Variants in FRMD4A observed in about 807,000 individuals in gnomAD.
FRMD4A encodes the protein FERM domain containing 4A.
Under a neutral mutation model 129.1 loss-of-function variants are expected in FRMD4A, and 29 were observed. The ratio of observed to expected loss-of-function variants is 0.22; its 90% CI spans 0.17 to 0.31. The LOEUF is 0.31. FRMD4A is among the 10% of genes least tolerant of loss of function. The pLI is 1.00. For synonymous variants in FRMD4A, 634 were observed against 571.6 expected (o/e 1.11, Z -1.56); for missense variants, 1,272 against 1,375.8 (o/e 0.92, Z 1.19).
intron 2 of FRMD4A, among the ~76,000 whole-genome samples, chr10:14,060,521 C>A (rs1260635965): frequency 2.0e-5 from 3 of 152,166 alleles, no homozygotes; most frequent in African/African-American, 7.2e-5. Context: ...TGCTTCGAAG[C>A]CTGCCCTCTT....
chr10:13,829,242 C>T lies in FRMD4A; in HGVS notation c.112-18334G>A, dbSNP rs150668321. On this transcript the variant is annotated intron_variant, in intron 3 of 24. Transcript: ENST00000357447. ...ATAAACAAAACGAAAAACATTCTTC[C>T]GGCAGGGCATGGTGGCTCACACCTC... Among the ~76,000 whole-genome samples the T allele has an allele frequency of 4.4e-3, 673 of 152,196 alleles. 5 individuals are homozygous for T. The highest frequency in any genetic ancestry group is 0.015 in the African/African-American group (636 of 41,530).
chr10:14,091,926 T>C (rs1836684550), intron 2 of FRMD4A, among the ~76,000 whole-genome samples: 1 of 152,248 alleles, frequency 6.6e-6, no homozygotes, highest in Admixed American at 6.5e-5. Context: ...ATGAACATAT[T>C]ATTACAAGCA....
chr10:14,067,585 G>A (rs1042212784), intron 2 of FRMD4A, among the ~76,000 whole-genome samples: 6 of 151,958 alleles, frequency 3.9e-5, no homozygotes, highest in South Asian at 2.1e-4. Context: ...TTGGGAGGCC[G>A]AGGCGGGCGG....
At position 14,294,742 on chromosome 10, in the gene FRMD4A, A is replaced by G. The variant is rs72780812; in HGVS notation, c.45+35316T>C. On this transcript the variant is annotated intron_variant, in intron 2 of 24. Coordinates refer to ENST00000357447, the MANE Select transcript of FRMD4A (RefSeq NM_018027.5). Reference sequence around the variant, plus strand: ...CTAAATCCGCTCAGCAAGATTCGCTACCACGATCTTCTAAAAAACACGAGC... The same window carrying G: ...CTAAATCCGCTCAGCAAGATTCGCTGCCACGATCTTCTAAAAAACACGAGC... 6.0e-3 allele frequency among the ~76,000 whole-genome samples: 908 copies of G among 152,352 alleles called. 23 individuals are homozygous for G. In the East Asian group the frequency reaches 0.064, roughly 11 times the overall value.
intron 2 of FRMD4A, among the ~76,000 whole-genome samples, chr10:13,975,148 T>A (rs998579499): frequency 2.6e-5 from 4 of 151,988 alleles, no homozygotes; most frequent in Non-Finnish European, 4.4e-5. Flanking sequence ...TGTGTGTGTG[T>A]CTACTGTGTG....
rs762945270 is a variant in FRMD4A, at chr10:14,324,454, G to A, written c.45+5604C>T. Among the ~76,000 whole-genome samples the A allele has an allele frequency of 4.6e-5, 7 of 151,960 alleles. 1 individual carries two copies. Among genetic ancestry groups the A allele is most frequent in the Admixed American group, 3.9e-4 (6 of 15,266 alleles). Reference sequence around the variant, plus strand: ...ATAGATGATACTAAATATTAGTTTCGCCCTTAGACCCAAATATCTAGGACC... The same window carrying A: ...ATAGATGATACTAAATATTAGTTTCACCCTTAGACCCAAATATCTAGGACC... On this transcript the variant is annotated intron_variant, in intron 2 of 24. Transcript: ENST00000357447.
At chr10:13,768,404 T>G (rs1035079648) in intron 6 of FRMD4A, among the ~76,000 whole-genome samples, 11 of 152,238 alleles carry the variant, frequency 7.2e-5, no homozygotes, top group African/African-American at 2.6e-4. Context: ...AGAATCTTAA[T>G]GACAAGCAGC....
intron 2 of FRMD4A, among the ~76,000 whole-genome samples, chr10:13,908,993 A>G (rs2094911946): frequency 6.6e-6 from 1 of 152,240 alleles, no homozygotes; most frequent in South Asian, 2.1e-4. Context: ...ATCGCTGTAC[A>G]GCCTAGTTAC....
chr10:13,674,759 G>C (rs2083828632), intron 16 of FRMD4A, 152 bp downstream of exon 16: 1 of 820,398 alleles, frequency 1.2e-6, no homozygotes, highest in Non-Finnish European at 2.0e-6. Context: ...TCGCCGCCCA[G>C]ATAGGCCCTC....
chr10:13,757,685 G>A (rs1403303812), intron 8 of FRMD4A, among the ~76,000 whole-genome samples: 1 of 152,152 alleles, frequency 6.6e-6, no homozygotes, highest in East Asian at 1.9e-4. Context: ...GAGTAGCTAC[G>A]GTTCACAGTT....
intron 8 of FRMD4A, among the ~76,000 whole-genome samples, chr10:13,751,731 C>G (rs955428700): frequency 4.6e-5 from 7 of 152,284 alleles, no homozygotes; most frequent in South Asian, 2.1e-4. Context: ...CAAAAAAGAG[C>G]TGGATGTGGT....
At chr10:14,138,620 C>T (rs556614917) in intron 2 of FRMD4A, among the ~76,000 whole-genome samples, 10 of 151,930 alleles carry the variant, frequency 6.6e-5, no homozygotes, top group Admixed American at 4.6e-4. Context: ...TTAGCCAGGC[C>T]GTGGTGGTGC....
At chr10:13,679,236 A>T (rs1206258055) in intron 15 of FRMD4A, among the ~76,000 whole-genome samples, 1 of 150,750 alleles carries the variant, frequency 6.6e-6, no homozygotes, top group Non-Finnish European at 1.5e-5. Flanking sequence ...AGCTTGATCA[A>T]GATGGTGAAA....
At chr10:13,728,077 A>G (rs1041357587) in intron 12 of FRMD4A, among the ~76,000 whole-genome samples, 3 of 152,214 alleles carry the variant, frequency 2.0e-5, no homozygotes, top group African/African-American at 7.2e-5. Flanking sequence ...CCAGGCAGGA[A>G]GAGTCACACA....
chr10:13,832,047 C>T (rs2093797728), intron 3 of FRMD4A, among the ~76,000 whole-genome samples: 1 of 152,140 alleles, frequency 6.6e-6, no homozygotes, highest in African/African-American at 2.4e-5. Context: ...AATGAAAACC[C>T]TGGCCTGGAC....
rs188852301 is a variant in FRMD4A, at chr10:14,115,997, A to C, written c.45+214061T>G. On this transcript the variant is annotated intron_variant, in intron 2 of 24. Transcript: ENST00000357447. ...CTCTGAAAGAAGCATTGCCCATAAT[A>C]AACACTCAATAAATAGCTTTCAGTG... Among the ~76,000 whole-genome samples, 402 of 152,348 alleles carry C rather than the reference A, an allele frequency of 2.6e-3. 1 individual carries two copies. Among genetic ancestry groups the C allele is most frequent in the Non-Finnish European group, 4.8e-3 (325 of 68,036 alleles).
intron 6 of FRMD4A, among the ~76,000 whole-genome samples, chr10:13,765,264 A>C (rs1481895147): frequency 6.6e-6 from 1 of 151,678 alleles, no homozygotes; most frequent in Non-Finnish European, 1.5e-5. Flanking sequence ...ACAGGCGCCC[A>C]CCACCACGCC....
At chr10:13,973,685 A>G (rs891180662) in intron 2 of FRMD4A, among the ~76,000 whole-genome samples, 1 of 151,014 alleles carries the variant, frequency 6.6e-6, no homozygotes, top group African/African-American at 2.4e-5. Flanking sequence ...CTAAGAGGGA[A>G]GAGAAGTGAG....
At chr10:13,802,273 G>C (rs978800658) in intron 4 of FRMD4A, among the ~76,000 whole-genome samples, 1 of 152,180 alleles carries the variant, frequency 6.6e-6, no homozygotes, top group African/African-American at 2.4e-5. Context: ...ATGGCCTCAG[G>C]GAGAGCTTTG....
Sources: allele counts gnomAD v4.1 joint callset (sites outside exome capture counted in the v4.1 genomes callset), GRCh38; gene constraint gnomAD v4.1.1; transcripts MANE v1.5; gene names NCBI Gene and HGNC (gene_info 2026-07-23, HGNC 2026-07-21).